The following P3H2 variants were observed in gnomAD, a reference collection of about 807,000 sequenced individuals.
P3H2 encodes the protein prolyl 3-hydroxylase 2.
A neutral mutation model predicts 87.0 loss-of-function variants in P3H2; 80 were observed. That is an observed-to-expected ratio of 0.92 (90% CI 0.77 to 1.11). The LOEUF is 1.11. Ranked by LOEUF, P3H2 falls within the 50% of genes least tolerant of loss-of-function variation. The probability of loss-of-function intolerance (pLI) is 0.00; values close to 1 mark genes in which losing one functional copy is unlikely to be tolerated. For missense variants in P3H2, 1,001 were observed against 923.9 expected (o/e 1.08, Z -1.08); for synonymous variants, 367 against 359.3 (o/e 1.02, Z -0.24).
rs57074960 is a variant in P3H2 at position 190,095,303 on chromosome 3, CATATATATATATAT to C, written c.480+24935_480+24948del. The stretch of plus-strand genomic sequence containing the variant: ...GTCTCAAAGACAAATTGTCTCAAAA[CATATATATATATAT>C]ATATATATATATATATATATATATA... On this transcript the variant is annotated intron_variant, in intron 1 of 14. Coordinates refer to ENST00000319332, the MANE Select transcript of P3H2 (RefSeq NM_018192.4). Among the ~76,000 whole-genome samples the C allele has an allele frequency of 8.7e-3, 431 of 49,448 alleles. 5 individuals are homozygous for C. Among genetic ancestry groups the C allele is most frequent in the African/African-American group, 0.028 (314 of 11,142 alleles). The allele number at this position is 49,448 out of a possible 152,430, so 32.4% of individuals were successfully genotyped here. A position where few individuals can be genotyped will look rare whatever the true frequency, so the allele number is the denominator to read the frequency against.
chr3:190,107,064 A>G (rs992957853), intron 1 of P3H2, among the ~76,000 whole-genome samples: 1 of 152,128 alleles, frequency 6.6e-6, no homozygotes, highest in Non-Finnish European at 1.5e-5. Context: ...TCATTTTGCT[A>G]TTTCAGGTTT....
chr3:189,969,505 C>T, intron 13 of P3H2: 1 of 1,041,046 alleles, frequency 9.6e-7, no homozygotes, highest in Non-Finnish European at 1.5e-6. Flanking sequence ...ACTGAGGTCT[C>T]ATACTGGTCC....
intron 1 of P3H2, among the ~76,000 whole-genome samples, chr3:190,051,846 T>C (rs1018919013): frequency 6.6e-6 from 1 of 152,114 alleles, no homozygotes; most frequent in East Asian, 1.9e-4. Context: ...GCATTTCAGC[T>C]GTGGAGGAGG....
chr3:189,965,788 C>T (rs775927087), intron 13 of P3H2, among the ~76,000 whole-genome samples: 1 of 151,938 alleles, frequency 6.6e-6, no homozygotes, highest in Non-Finnish European at 1.5e-5. Flanking sequence ...GAGTTTGAGA[C>T]CAGCCTGGCC....
intron 1 of P3H2, among the ~76,000 whole-genome samples, chr3:190,063,943 A>C (rs965420748): frequency 6.6e-6 from 1 of 151,960 alleles, no homozygotes; most frequent in Admixed American, 6.6e-5. Flanking sequence ...ATATCTATTT[A>C]AGCATTTAAA....
rs6768801 is a variant in P3H2 at position 190,074,125 on chromosome 3, G to T, written c.480+46127C>A. Among the ~76,000 whole-genome samples the T allele has an allele frequency of 2.4e-3, 367 of 152,238 alleles. 3 individuals carry two copies. The highest frequency in any genetic ancestry group is 8.0e-3 in the African/African-American group (331 of 41,542). ...TGACTCTAAATTATTTGATCTTGTG[G>T]TGTTTCAGTTTCTGGATTAGTAAAG... On this transcript the variant is annotated intron_variant, in intron 1 of 14. Coordinates refer to ENST00000319332, the MANE Select transcript of P3H2 (RefSeq NM_018192.4).
intron 3 of P3H2, among the ~76,000 whole-genome samples, chr3:189,992,953 T>C (rs894930411): frequency 1.3e-5 from 2 of 152,362 alleles, no homozygotes; most frequent in East Asian, 3.9e-4. Flanking sequence ...GCTTGGTTTA[T>C]CGTATAAATC....
chr3:190,109,023 G>A (rs113760697), intron 1 of P3H2, among the ~76,000 whole-genome samples: 7 of 152,286 alleles, frequency 4.6e-5, no homozygotes, highest in African/African-American at 1.2e-4. Context: ...ACGGCAATAC[G>A]GAGTGGAAGA....
At chr3:190,108,811 T>G (rs996706977) in intron 1 of P3H2, among the ~76,000 whole-genome samples, 1 of 152,216 alleles carries the variant, frequency 6.6e-6, no homozygotes, top group Non-Finnish European at 1.5e-5. Context: ...TGAAAACTAT[T>G]AGCTAGCATT....
chr3:190,116,095 CAG>C (rs1275123957), intron 1 of P3H2, among the ~76,000 whole-genome samples: 1 of 151,960 alleles, frequency 6.6e-6, no homozygotes, highest in Non-Finnish European at 1.5e-5. Flanking sequence ...TGAAAAATGA[CAG>C]AAGAGGAACA....
In P3H2 at chr3:190,104,602, T is replaced by C. The variant is rs1711759557; in HGVS notation, c.480+15650A>G. ...AGTACATACAGGAAGCAAATCAGAA[T>C]AGGATTGCAAAGCCTCTATAAATGA... On this transcript the variant is annotated intron_variant, in intron 1 of 14. Coordinates refer to ENST00000319332, the MANE Select transcript of P3H2 (RefSeq NM_018192.4). Among the ~76,000 whole-genome samples the C allele has an allele frequency of 2.6e-5, 4 of 152,212 alleles. No individual in the cohort carries two copies. In the South Asian group the frequency reaches 6.2e-4, roughly 24 times the overall value.
At chr3:190,122,118 A>AGGAGGGGAGAGGAGG (rs1712635744), upstream of P3H2, 1 of 143,998 alleles carries the variant, frequency 6.9e-6, no homozygotes, top group Non-Finnish European at 1.5e-5. Flanking sequence ...AAGAGAGGAG[A>AGGAGGGGAGAGGAGG]GGAGGGGAGG....
intron 1 of P3H2, among the ~76,000 whole-genome samples, chr3:190,111,899 C>T (rs1712082596): frequency 6.6e-6 from 1 of 152,202 alleles, no homozygotes; most frequent in Non-Finnish European, 1.5e-5. Context: ...CACTTCTATT[C>T]ACAGGAATTC....
chr3:190,029,536 T>G (rs539454305), intron 1 of P3H2, among the ~76,000 whole-genome samples: 1 of 152,160 alleles, frequency 6.6e-6, no homozygotes, highest in South Asian at 2.1e-4. Flanking sequence ...ATCTGACCAA[T>G]GCACTTGATA....
chr3:190,005,315 C>G (rs1437067195), intron 1 of P3H2, among the ~76,000 whole-genome samples: 1 of 152,078 alleles, frequency 6.6e-6, no homozygotes, highest in Non-Finnish European at 1.5e-5. Context: ...TCCTGTAAGT[C>G]CACATGTTTC....
rs1011200300 is a variant in P3H2, at chr3:189,994,299, C to T, written c.634-16G>A. 12 of 1,313,988 alleles carry T rather than the reference C, an allele frequency of 9.1e-6. No homozygotes were observed. The highest frequency in any genetic ancestry group is 1.8e-4 in the Middle Eastern group (1 of 5,416). The allele number at this position is 1,313,988 out of a possible 1,614,324, so 81.4% of individuals were successfully genotyped here. A position where few individuals can be genotyped will look rare whatever the true frequency, so the allele number is the denominator to read the frequency against. ...TGTAACTCTCCTGTAATGAAACAGA[C>T]GGGAAAAAACAAACAAACAAACAAA... On this transcript the variant is annotated splice_polypyrimidine_tract_variant and intron_variant, in intron 2 of 14. Transcript: ENST00000319332.
intron 1 of P3H2, among the ~76,000 whole-genome samples, chr3:190,060,153 C>T (rs1726289653): frequency 6.6e-6 from 1 of 152,088 alleles, no homozygotes; most frequent in African/African-American, 2.4e-5. Flanking sequence ...TGTCCTGAAG[C>T]AGATGAAGCA....
At chr3:190,098,024 T>C (rs534931860) in intron 1 of P3H2, among the ~76,000 whole-genome samples, 10 of 152,234 alleles carry the variant, frequency 6.6e-5, no homozygotes, top group South Asian at 4.2e-4. Flanking sequence ...AAATAAGCAA[T>C]TACTGTGGTG....
chr3:190,078,895 C>T (rs1726955138), intron 1 of P3H2, among the ~76,000 whole-genome samples: 1 of 152,144 alleles, frequency 6.6e-6, no homozygotes, highest in Non-Finnish European at 1.5e-5. Context: ...TCAGACAGCT[C>T]CCTTGGGAAG....
Sources: gnomAD v4.1 joint callset for allele counts (sites outside exome capture counted in the v4.1 genomes callset) on GRCh38, gnomAD v4.1.1 for gene constraint, MANE v1.5 for transcripts, NCBI Gene and HGNC (gene_info 2026-07-23, HGNC 2026-07-21) for gene names.